MYPN: variants seen among roughly 807,000 people sequenced by gnomAD.
MYPN encodes the protein myopalladin, also known as sarcomeric protein myopalladin, 145 kDa (MYOP).
In MYPN, 63 loss-of-function variants were observed where a neutral mutation model predicts 129.4. The observed-to-expected ratio is 0.49, with a 90% CI of 0.40 to 0.60. MYPN has a LOEUF of 0.60. Among genes scored for constraint, MYPN ranks in the 20% least tolerant of loss-of-function variants. The pLI, the probability that MYPN is intolerant of heterozygous loss-of-function variation, is 0.00. For missense variants in MYPN, 1,596 were observed against 1,635.4 expected (o/e 0.98, Z 0.42); for synonymous variants, 629 against 600.9 (o/e 1.05, Z -0.68).
At chr10:68,160,409 AAC>A (rs1355366262) in intron 7 of MYPN, among the ~76,000 whole-genome samples, 2 of 140,850 alleles carry the variant, frequency 1.4e-5, no homozygotes. Context: ...CAGCCTGAGC[AAC>A]AGAGTGAGAC....
intron 4 of MYPN, among the ~76,000 whole-genome samples, chr10:68,147,361 T>G (rs745980104): frequency 2.6e-5 from 4 of 152,184 alleles, no homozygotes; most frequent in Non-Finnish European, 4.4e-5. Context: ...TTCGCCATAT[T>G]GGCCAGGCTG....
intron 12 of MYPN, among the ~76,000 whole-genome samples, chr10:68,182,428 C>CATATATATA (rs201534383): frequency 2.2e-5 from 2 of 92,290 alleles, no homozygotes; most frequent in Admixed American, 1.4e-4. Flanking sequence ...ATATATATAA[C>CATATATATA]ACATATATAT....
intron 12 of MYPN, among the ~76,000 whole-genome samples, chr10:68,182,441 CATATATATA>C (rs1564687193): frequency 8.8e-6 from 1 of 113,786 alleles, no homozygotes; most frequent in Non-Finnish European, 1.8e-5. Flanking sequence ...ATATATATAA[CATATATATA>C]ACATATATAT....
chr10:68,180,463 G>A (rs568648831), intron 12 of MYPN, among the ~76,000 whole-genome samples: 13 of 152,354 alleles, frequency 8.5e-5, no homozygotes, highest in Admixed American at 2.6e-4. Flanking sequence ...TAGGATTACA[G>A]GCGTGGGCCA....
At chr10:68,162,180 A>C (rs940585181) in intron 8 of MYPN, 3 of 149,592 alleles carry the variant, frequency 2.0e-5, no homozygotes, top group African/African-American at 7.3e-5. Context: ...AAAAAAAAAA[A>C]AAAAAAAAAC....
rs150489652 is a variant in MYPN, at chr10:68,210,745, C to G, written c.*290C>G. The G allele has an allele frequency of 1.5e-5, 8 of 520,408 alleles. No homozygotes were observed. Among genetic ancestry groups the G allele is most frequent in the African/African-American group, 1.5e-4 (8 of 52,486 alleles). 32.2% of individuals were successfully genotyped at this position (520,408 alleles called of 1,614,324 possible). On this transcript the variant is annotated 3_prime_UTR_variant, in exon 20 of 20. Transcript: ENST00000358913. ...TGCTTTGGGAAAAAACTAGCATGCT[C>G]CCCTGCTCCCTGTTGTGTTAGGGAT...
At chr10:68,152,416 C>T (rs956114586) in intron 6 of MYPN, among the ~76,000 whole-genome samples, 8 of 151,822 alleles carry the variant, frequency 5.3e-5, no homozygotes, top group East Asian at 3.9e-4. Flanking sequence ...GGGTGCAGAG[C>T]GGGTGTGCGC....
At chr10:68,125,712 A>T (rs947875562) in intron 2 of MYPN, among the ~76,000 whole-genome samples, 3 of 152,224 alleles carry the variant, frequency 2.0e-5, no homozygotes, top group Admixed American at 6.5e-5. Context: ...GTCTTCAGAG[A>T]TGTAGGAGGA....
At chr10:68,112,409 C>T (rs1018129027) in intron 1 of MYPN, among the ~76,000 whole-genome samples, 6 of 152,220 alleles carry the variant, frequency 3.9e-5, no homozygotes, top group East Asian at 1.9e-4. Flanking sequence ...CCCACTCAAA[C>T]GAAATCTTTA....
intron 15 of MYPN, among the ~76,000 whole-genome samples, chr10:68,195,871 T>G (rs2043596963): frequency 6.6e-6 from 1 of 152,096 alleles, no homozygotes; most frequent in Admixed American, 6.6e-5. Context: ...CGTGTGATCA[T>G]AGCTCACTGC....
At chr10:68,092,707 C>A (rs564946214) in intron 1 of MYPN, among the ~76,000 whole-genome samples, 22 of 152,200 alleles carry the variant, frequency 1.4e-4, no homozygotes, top group African/African-American at 4.8e-4. Flanking sequence ...AAATAAAATT[C>A]TTTCATAATT....
intron 18 of MYPN, among the ~76,000 whole-genome samples, chr10:68,203,420 C>G (rs942178192): frequency 2.1e-5 from 3 of 145,378 alleles, no homozygotes; most frequent in African/African-American, 7.4e-5. Flanking sequence ...AAGACCCCAT[C>G]TCTAAAAAAA....
chr10:68,153,368 C>G (rs2134112804), intron 6 of MYPN, among the ~76,000 whole-genome samples: 1 of 152,240 alleles, frequency 6.6e-6, no homozygotes, highest in East Asian at 1.9e-4. Context: ...TGATTAGCTC[C>G]TTCTATTAAT....
intron 2 of MYPN, among the ~76,000 whole-genome samples, chr10:68,138,428 CTT>C (rs879807023): frequency 1.1e-4 from 16 of 142,768 alleles, no homozygotes; most frequent in Admixed American, 7.1e-5. Flanking sequence ...TTCTTTCTTT[CTT>C]TTTTTTTTTT....
intron 12 of MYPN, among the ~76,000 whole-genome samples, chr10:68,179,848 AG>A: frequency 6.6e-6 from 1 of 152,230 alleles, no homozygotes; most frequent in East Asian, 1.9e-4. Flanking sequence ...TTTTTTTAAT[AG>A]AGAGGAGGTT....
intron 12 of MYPN, among the ~76,000 whole-genome samples, chr10:68,182,203 T>A (rs7913797): frequency 0.65 from 79,392 of 123,000 alleles, 26,483 homozygotes; most frequent in Non-Finnish European, 0.76. Context: ...ACCTGGTTAC[T>A]AATGTTATAT....
chr10:68,206,715 C>T, intron 18 of MYPN, 55 bp from the exon 19 acceptor site: 3 of 1,612,732 alleles, frequency 1.9e-6, no homozygotes, highest in Non-Finnish European at 2.5e-6. Flanking sequence ...CTAAATTTGA[C>T]AAAGGCATTT....
At chr10:68,140,334 G>C (rs11598201) in intron 2 of MYPN, among the ~76,000 whole-genome samples, 21,188 of 152,068 alleles carry the variant, frequency 0.14, 1,681 homozygotes, top group Admixed American at 0.21. Context: ...CCAGAGGAGA[G>C]AGAGTATATA....
intron 6 of MYPN, among the ~76,000 whole-genome samples, chr10:68,153,454 CTTTG>C (rs934034388): frequency 2.6e-5 from 4 of 152,140 alleles, no homozygotes; most frequent in African/African-American, 9.7e-5. Flanking sequence ...CATTCACATA[CTTTG>C]TTTGTTAGAT....
Sources: gnomAD v4.1 joint callset for allele counts (sites outside exome capture counted in the v4.1 genomes callset) on GRCh38, gnomAD v4.1.1 for gene constraint, MANE v1.5 for transcripts, NCBI Gene and HGNC (gene_info 2026-07-23, HGNC 2026-07-21) for gene names.